The following SAMD4A variants were observed in gnomAD, a reference collection of about 807,000 sequenced individuals.
The protein encoded by SAMD4A is protein Smaug homolog 1.
In SAMD4A, 33 loss-of-function variants were observed where a neutral mutation model predicts 81.3. That is an observed-to-expected ratio of 0.41 (90% CI 0.31 to 0.54). The LOEUF is 0.54. Among genes scored for constraint, SAMD4A ranks in the 20% least tolerant of loss-of-function variants. SAMD4A has a pLI of 0.37. For missense variants in SAMD4A, 854 were observed against 951.1 expected (o/e 0.90, Z 1.34); for synonymous variants, 389 against 382.1 (o/e 1.02, Z -0.21).
At chr14:54,641,784 C>G (rs1167649913) in intron 2 of SAMD4A, among the ~76,000 whole-genome samples, 1 of 152,046 alleles carries the variant, frequency 6.6e-6, no homozygotes, top group Admixed American at 6.6e-5. Context: ...ATCAAGAAGT[C>G]AGTAAGTTTA....
rs184559551 is a variant in SAMD4A at position 54,679,157 on chromosome 14, T to A, written c.197-22905T>A. ...TTTTTTCTATCATTTTTGGAGATTA[T>A]AGCAGGAGGTCAAATATTTAAAGTT... is the stretch of plus-strand genomic sequence containing the variant. On this transcript the variant is annotated intron_variant, in intron 2 of 12. Coordinates refer to ENST00000554335, the MANE Select transcript of SAMD4A (RefSeq NM_015589.6). Among the ~76,000 whole-genome samples the A allele has an allele frequency of 2.0e-3, 304 of 152,362 alleles. 1 individual carries two copies. The highest frequency in any genetic ancestry group is 6.8e-3 in the African/African-American group (282 of 41,594).
intron 2 of SAMD4A, among the ~76,000 whole-genome samples, chr14:54,674,183 G>T (rs375588025): frequency 2.7e-4 from 41 of 152,352 alleles, no homozygotes; most frequent in African/African-American, 9.4e-4. Context: ...CTGCAGAGTC[G>T]GCAAGAAGCC....
intron 2 of SAMD4A, among the ~76,000 whole-genome samples, chr14:54,618,338 T>G (rs1316842979): frequency 2.0e-5 from 3 of 152,184 alleles, no homozygotes; most frequent in Non-Finnish European, 4.4e-5. Context: ...ATGCTACAAA[T>G]CCATCCCTCT....
Position 54,789,133 on chromosome 14 carries a change from GTTATT to G in SAMD4A, c.*192_*196del. 1 of 473,860 alleles carries G rather than the reference GTTATT, an allele frequency of 2.1e-6. No homozygotes were observed. Among genetic ancestry groups the G allele is most frequent in the Non-Finnish European group, 3.9e-6 (1 of 257,734 alleles). 29.4% of individuals were successfully genotyped at this position (473,860 alleles called of 1,614,324 possible). A position where few individuals can be genotyped will look rare whatever the true frequency, so the allele number is the denominator to read the frequency against. ...AAACATATCAGTAGACCTGGGGTTG[GTTATT>G]TTGTCATTTGTTTCTGTCATGGGAT... is the stretch of plus-strand genomic sequence containing the variant. On this transcript the variant is annotated 3_prime_UTR_variant, in exon 13 of 13. Transcript: ENST00000554335.
chr14:54,694,673 T>C, intron 2 of SAMD4A: 2 of 985,340 alleles, frequency 2.0e-6, no homozygotes, highest in African/African-American at 3.5e-5. Context: ...CTGGCCTGGT[T>C]TTTGTGCCCT....
chr14:54,626,074 G>GCA (rs2034755920), intron 2 of SAMD4A, among the ~76,000 whole-genome samples: 1 of 110,538 alleles, frequency 9.0e-6, no homozygotes, highest in African/African-American at 3.8e-5. Flanking sequence ...GCGCGCGCGC[G>GCA]CGAGTGCGCA....
chr14:54,582,843 T>A (rs2033507278), intron 2 of SAMD4A, among the ~76,000 whole-genome samples: 1 of 152,226 alleles, frequency 6.6e-6, no homozygotes, highest in Admixed American at 6.5e-5. Flanking sequence ...TATTCTCAAA[T>A]GTTTATATAT....
rs1437624928 is a variant in SAMD4A at position 54,692,690 on chromosome 14, G to A, written c.197-9372G>A. Reference sequence around the variant, plus strand: ...GCGCTGAAGATTAGAGAGTGGGAAAGCTTCCTGTGTTTAGAACACTTCCAG... The same window carrying A: ...GCGCTGAAGATTAGAGAGTGGGAAAACTTCCTGTGTTTAGAACACTTCCAG... On this transcript the variant is annotated intron_variant, in intron 2 of 12. Transcript: ENST00000554335. 2.6e-5 allele frequency among the ~76,000 whole-genome samples: 4 copies of A among 152,126 alleles called. No homozygotes were observed. In the East Asian group the frequency reaches 7.7e-4, roughly 29 times the overall value.
chr14:54,601,074 A>C (rs2034040970), intron 2 of SAMD4A, among the ~76,000 whole-genome samples: 1 of 152,144 alleles, frequency 6.6e-6, no homozygotes, highest in Non-Finnish European at 1.5e-5. Context: ...CTATGCCATA[A>C]ATTCCTCTTC....
In SAMD4A at chr14:54,609,265, C is replaced by T. The variant is rs540027077; in HGVS notation, c.196+41153C>T. 9.2e-5 allele frequency among the ~76,000 whole-genome samples: 14 copies of T among 152,316 alleles called. No individual in the cohort carries two copies. In the South Asian group the frequency reaches 2.9e-3, roughly 32 times the overall value. On this transcript the variant is annotated intron_variant, in intron 2 of 12. Transcript: ENST00000554335. ...GATGTGAGAAATACTCAGCCAGCCA[C>T]TGCTGACTTCAAAGATGGAGAAAGG... is the stretch of plus-strand genomic sequence containing the variant.
At chr14:54,784,456 G>C in intron 11 of SAMD4A, 81 bp from the exon 12 acceptor site, 1 of 1,613,822 alleles carries the variant, frequency 6.2e-7, no homozygotes, top group Non-Finnish European at 8.5e-7. Context: ...AGGTACACCA[G>C]ACCTTTCTCC....
At position 54,790,067 on chromosome 14, in the gene SAMD4A, A is replaced by C. The variant is rs1240149350; in HGVS notation, c.*1123A>C. 2 of 152,272 alleles carry C rather than the reference A, an allele frequency of 1.3e-5. No homozygotes were observed. Among genetic ancestry groups the C allele is most frequent in the African/African-American group, 4.8e-5 (2 of 41,462 alleles). The allele number at this position is 152,272 out of a possible 1,614,324, so 9.4% of individuals were successfully genotyped here. A position where few individuals can be genotyped will look rare whatever the true frequency, so the allele number is the denominator to read the frequency against. On this transcript the variant is annotated 3_prime_UTR_variant, in exon 13 of 13. Transcript: ENST00000554335. ...AAGTTCCACTGGAGGAGAAAAGGCAAGGATGGACTTTTTCCCCTTGTGAGA... is the reference window on the plus strand; with the variant it reads ...AAGTTCCACTGGAGGAGAAAAGGCACGGATGGACTTTTTCCCCTTGTGAGA...
At chr14:54,670,155 C>T (rs1159653972) in intron 2 of SAMD4A, among the ~76,000 whole-genome samples, 1 of 152,216 alleles carries the variant, frequency 6.6e-6, no homozygotes, top group African/African-American at 2.4e-5. Context: ...CCAAGCAAGT[C>T]TGTCTGGCCC....
intron 12 of SAMD4A, among the ~76,000 whole-genome samples, chr14:54,787,635 CCT>C (rs1438458610): frequency 2.0e-5 from 3 of 152,212 alleles, no homozygotes; most frequent in Non-Finnish European, 2.9e-5. Flanking sequence ...ACCCCACAGC[CCT>C]GTCTCACCCA....
intron 2 of SAMD4A, among the ~76,000 whole-genome samples, chr14:54,596,086 T>G (rs2033903143): frequency 6.6e-6 from 1 of 152,176 alleles, no homozygotes; most frequent in Non-Finnish European, 1.5e-5. Context: ...GTGTGGTAAC[T>G]AGATAATGGT....
chr14:54,723,658 C>A (rs941821868), intron 3 of SAMD4A, among the ~76,000 whole-genome samples: 1 of 152,200 alleles, frequency 6.6e-6, no homozygotes, highest in Non-Finnish European at 1.5e-5. Context: ...CACTGCCTTG[C>A]GGCTTCTAGC....
chr14:54,638,809 T>C (rs2035097961), intron 2 of SAMD4A, among the ~76,000 whole-genome samples: 1 of 152,222 alleles, frequency 6.6e-6, no homozygotes, highest in Non-Finnish European at 1.5e-5. Context: ...AGCTAGAAAT[T>C]GAAAAGTTCA....
chr14:54,700,441 G>A (rs1043912422), intron 2 of SAMD4A, among the ~76,000 whole-genome samples: 1 of 152,106 alleles, frequency 6.6e-6, no homozygotes, highest in African/African-American at 2.4e-5. Flanking sequence ...CTTTCCCATA[G>A]TCTTGAGAAG....
intron 2 of SAMD4A, among the ~76,000 whole-genome samples, chr14:54,586,659 C>T (rs1264571235): frequency 1.3e-5 from 2 of 152,130 alleles, no homozygotes; most frequent in African/African-American, 4.8e-5. Context: ...GCCAATTATC[C>T]CAGCACCATT....
Sources: gnomAD v4.1 joint callset for allele counts (sites outside exome capture counted in the v4.1 genomes callset) on GRCh38, gnomAD v4.1.1 for gene constraint, MANE v1.5 for transcripts, NCBI Gene and HGNC (gene_info 2026-07-23, HGNC 2026-07-21) for gene names.